DNMBP: variants seen among roughly 807,000 people sequenced by gnomAD.
DNMBP encodes dynamin binding protein, also known as dynamin-binding protein.
Under a neutral mutation model 150.0 loss-of-function variants are expected in DNMBP, and 87 were observed. The observed-to-expected ratio is 0.58, with a 90% CI of 0.49 to 0.69. The LOEUF is 0.69. Ranked by LOEUF, DNMBP falls within the 30% of genes least tolerant of loss-of-function variation. DNMBP has a pLI of 0.00. For synonymous variants in DNMBP, 711 were observed against 750.4 expected (o/e 0.95, Z 0.86); for missense variants, 1,774 against 1,949.0 (o/e 0.91, Z 1.69).
chr10:99,981,615 GC>G (rs1388810676), intron 1 of DNMBP, among the ~76,000 whole-genome samples: 2 of 152,270 alleles, frequency 1.3e-5, no homozygotes, highest in East Asian at 3.9e-4. Flanking sequence ...TTCTAATGTG[GC>G]CTTTGGAATC....
intron 15 of DNMBP, 66 bp from the exon 16 acceptor site, chr10:99,880,427 TTGA>T: frequency 6.9e-7 from 1 of 1,449,062 alleles, no homozygotes; most frequent in Non-Finnish European, 9.0e-7. Flanking sequence ...AGAGGGAGCA[TTGA>T]GAGAAAAAAA....
At chr10:99,964,885 A>AAT (rs67147502) in intron 3 of DNMBP, among the ~76,000 whole-genome samples, 125 of 135,960 alleles carry the variant, frequency 9.2e-4, no homozygotes, top group Non-Finnish European at 1.1e-3. Context: ...AAAAAAAAAA[A>AAT]ATATATATAT....
intron 1 of DNMBP, among the ~76,000 whole-genome samples, chr10:99,990,064 T>A (rs2040869556): frequency 6.6e-6 from 1 of 152,192 alleles, no homozygotes; most frequent in Admixed American, 6.5e-5. Flanking sequence ...GCATGATGAA[T>A]GGTTTAACAT....
At chr10:99,988,660 A>T (rs994273929) in intron 1 of DNMBP, among the ~76,000 whole-genome samples, 25 of 151,696 alleles carry the variant, frequency 1.6e-4, no homozygotes, top group African/African-American at 4.8e-4. Context: ...TTTTATTTTT[A>T]TTTATTTATT....
At chr10:99,898,494 A>G (rs1238962731) in intron 8 of DNMBP, 7 of 674,300 alleles carry the variant, frequency 1.0e-5, no homozygotes, top group South Asian at 5.2e-5. Flanking sequence ...TCTAATAAAC[A>G]CCAGGTACTG....
chr10:99,882,767 A>G (rs2133194233), intron 15 of DNMBP, among the ~76,000 whole-genome samples: 2 of 152,308 alleles, frequency 1.3e-5, no homozygotes, highest in Admixed American at 1.3e-4. Flanking sequence ...GCAATCAAGC[A>G]TTTAAAAAAA....
chr10:99,932,060 T>A (rs1477591501), intron 4 of DNMBP, among the ~76,000 whole-genome samples: 1 of 152,208 alleles, frequency 6.6e-6, no homozygotes, highest in Non-Finnish European at 1.5e-5. Context: ...TTTATTTTAT[T>A]CAATGGAAAG....
chr10:99,896,250 C>T lies in DNMBP; in HGVS notation c.3051+17G>A. On this transcript the variant is annotated intron_variant, in intron 10 of 16. Coordinates refer to ENST00000324109, the MANE Select transcript of DNMBP (RefSeq NM_015221.4). ...GCTGTCAAAGATGCGCTAAGCCTTCCAGGATGGGGATCTCACCTGAGGAGC... is the reference window on the plus strand; with the variant it reads ...GCTGTCAAAGATGCGCTAAGCCTTCTAGGATGGGGATCTCACCTGAGGAGC... The T allele has an allele frequency of 6.2e-7, 1 of 1,613,290 alleles. No homozygotes were observed. The highest frequency in any genetic ancestry group is 8.5e-7 in the Non-Finnish European group (1 of 1,179,452).
chr10:99,923,834 C>T (rs2040048963), intron 4 of DNMBP, among the ~76,000 whole-genome samples: 1 of 152,170 alleles, frequency 6.6e-6, no homozygotes, highest in East Asian at 1.9e-4. Context: ...CATTTCCCTA[C>T]AGTCTTTTCT....
chr10:99,935,110 A>G (rs1258050977), intron 4 of DNMBP, among the ~76,000 whole-genome samples: 1 of 150,804 alleles, frequency 6.6e-6, no homozygotes, highest in Non-Finnish European at 1.5e-5. Flanking sequence ...AAAAAAAAAA[A>G]AAAGAAAAGA....
At chr10:99,909,454 A>C (rs6584332) in intron 4 of DNMBP, among the ~76,000 whole-genome samples, 62,036 of 152,004 alleles carry the variant, frequency 0.41, 12,842 homozygotes, top group Non-Finnish European at 0.42. Context: ...GAGGGGTCTG[A>C]CCTTATAAGA....
At chr10:99,997,126 G>A (rs2040959192) in intron 1 of DNMBP, among the ~76,000 whole-genome samples, 1 of 152,134 alleles carries the variant, frequency 6.6e-6, no homozygotes, top group Non-Finnish European at 1.5e-5. Context: ...GACCCTCTAG[G>A]GATTCTCAGA....
intron 1 of DNMBP, among the ~76,000 whole-genome samples, chr10:99,996,605 C>T (rs78486581): frequency 0.031 from 4,692 of 152,216 alleles, 96 homozygotes; most frequent in Admixed American, 0.043. Context: ...CTTAAAATAA[C>T]CAGCTAGTAA....
At chr10:99,942,162 C>T (rs2040308055) in intron 4 of DNMBP, among the ~76,000 whole-genome samples, 1 of 152,136 alleles carries the variant, frequency 6.6e-6, no homozygotes, top group African/African-American at 2.4e-5. Flanking sequence ...TGCCTCCCAC[C>T]CCCAGAAATG....
At chr10:100,003,260 T>C (rs1426322536) in intron 1 of DNMBP, among the ~76,000 whole-genome samples, 1 of 152,136 alleles carries the variant, frequency 6.6e-6, no homozygotes, top group Non-Finnish European at 1.5e-5. Flanking sequence ...GGCAGGAGAA[T>C]TGCTTGAACC....
intron 1 of DNMBP, among the ~76,000 whole-genome samples, chr10:100,009,167 T>G (rs781433307): frequency 3.9e-5 from 6 of 152,240 alleles, no homozygotes; most frequent in Admixed American, 1.3e-4. Context: ...GCACTTAAAA[T>G]TTAAGTCTAT....
intron 4 of DNMBP, among the ~76,000 whole-genome samples, chr10:99,954,006 C>T (rs1231875036): frequency 6.6e-6 from 1 of 151,636 alleles, no homozygotes; most frequent in Non-Finnish European, 1.5e-5. Flanking sequence ...ATAAATGTCC[C>T]AGAGGTATAT....
intron 11 of DNMBP, among the ~76,000 whole-genome samples, chr10:99,894,392 T>C (rs751341555): frequency 1.7e-4 from 26 of 152,280 alleles, no homozygotes; most frequent in Non-Finnish European, 3.4e-4. Flanking sequence ...GGAGGAAGCA[T>C]TGCTTGAGGC....
At chr10:100,003,175 T>C (rs1356735678) in intron 1 of DNMBP, among the ~76,000 whole-genome samples, 1 of 152,098 alleles carries the variant, frequency 6.6e-6, no homozygotes, top group Non-Finnish European at 1.5e-5. Context: ...TAAAACCCCA[T>C]CTTTACCAAA....
Sources: gnomAD v4.1 joint callset for allele counts (sites outside exome capture counted in the v4.1 genomes callset) on GRCh38, gnomAD v4.1.1 for gene constraint, MANE v1.5 for transcripts, NCBI Gene and HGNC (gene_info 2026-07-23, HGNC 2026-07-21) for gene names.